INTS4: variants seen among roughly 807,000 people sequenced by gnomAD.
INTS4 encodes the protein integrator complex subunit 4.
INTS4 carries 70 observed loss-of-function variants against 119.5 expected under a neutral mutation model. The observed-to-expected ratio is 0.59, with a 90% confidence interval of 0.48 to 0.71. The LOEUF is 0.71. Among genes scored for constraint, INTS4 ranks in the 30% least tolerant of loss-of-function variants. The pLI is 0.00. For synonymous variants in INTS4, 316 were observed against 419.6 expected (o/e 0.75, Z 3.02); for missense variants, 867 against 1,173.2 (o/e 0.74, Z 3.81).
intron 4 of INTS4, 187 bp downstream of exon 4, chr11:77,978,809 T>C: frequency 4.7e-6 from 2 of 421,530 alleles, no homozygotes; most frequent in Non-Finnish European, 8.9e-6. Flanking sequence ...AGTAACTATG[T>C]ACTGTAATTA....
At chr11:77,963,996 C>T (rs1228144849) in intron 4 of INTS4, among the ~76,000 whole-genome samples, 2 of 152,026 alleles carry the variant, frequency 1.3e-5, no homozygotes, top group Non-Finnish European at 2.9e-5. Flanking sequence ...TAATGTATAC[C>T]CTCTTTTAAC....
chr11:77,898,431 G>C (rs1203527648), intron 18 of INTS4, among the ~76,000 whole-genome samples: 3 of 152,144 alleles, frequency 2.0e-5, no homozygotes, highest in African/African-American at 7.2e-5. Context: ...CAAAGTGATG[G>C]GATTACAGGC....
intron 4 of INTS4, among the ~76,000 whole-genome samples, chr11:77,965,870 G>A (rs1855482965): frequency 6.6e-6 from 1 of 152,176 alleles, no homozygotes; most frequent in South Asian, 2.1e-4. Flanking sequence ...TCACATGCTA[G>A]TTCTATTTTT....
At chr11:77,992,044 G>T (rs867022425) in intron 1 of INTS4, among the ~76,000 whole-genome samples, 5 of 151,878 alleles carry the variant, frequency 3.3e-5, no homozygotes, top group Non-Finnish European at 5.9e-5. Flanking sequence ...GGCTGGTTTC[G>T]AACTTCTGGC....
At chr11:77,915,995 C>T (rs957968588) in intron 15 of INTS4, among the ~76,000 whole-genome samples, 4 of 152,170 alleles carry the variant, frequency 2.6e-5, no homozygotes, top group African/African-American at 9.7e-5. Flanking sequence ...GGAACATCAG[C>T]CTCCTTGGTG....
Position 77,949,265 on chromosome 11 carries a change from C to A in INTS4, c.918+6677G>T, listed in dbSNP as rs186921882. ...ACATAAGACCTAAAACCATAAAAAC[C>A]CTAGAAGAAAACCTAGGCAATACCA... On this transcript the variant is annotated intron_variant, in intron 8 of 22. Coordinates refer to ENST00000534064, the MANE Select transcript of INTS4 (RefSeq NM_033547.4). Among the ~76,000 whole-genome samples the A allele has an allele frequency of 4.4e-4, 67 of 151,984 alleles. 1 individual carries two copies. The East Asian group carries it at 9.3e-3, about 21-fold the overall frequency.
intron 18 of INTS4, among the ~76,000 whole-genome samples, chr11:77,899,089 TGAGGAA>T (rs1368446800): frequency 6.6e-6 from 1 of 152,042 alleles, no homozygotes; most frequent in Non-Finnish European, 1.5e-5. Flanking sequence ...AATAACCCTG[TGAGGAA>T]GAGATAGGTA....
At chr11:77,952,479 G>A (rs917264994) in intron 8 of INTS4, among the ~76,000 whole-genome samples, 5 of 152,206 alleles carry the variant, frequency 3.3e-5, no homozygotes, top group African/African-American at 1.2e-4. Context: ...TGTATATAAA[G>A]AAGTGGGTTA....
intron 8 of INTS4, among the ~76,000 whole-genome samples, chr11:77,948,629 G>A (rs543895696): frequency 4.0e-4 from 55 of 139,066 alleles, no homozygotes; most frequent in African/African-American, 1.2e-3. Flanking sequence ...CCTAGGTGAC[G>A]GAGTGAGACC....
chr11:77,903,300 C>T (rs1242154007), intron 17 of INTS4, among the ~76,000 whole-genome samples: 2 of 152,048 alleles, frequency 1.3e-5, no homozygotes, highest in African/African-American at 2.4e-5. Flanking sequence ...TCTGGCTCCG[C>T]CTTGGACCAG....
chr11:77,957,421 G>A (rs558854176), intron 7 of INTS4, among the ~76,000 whole-genome samples: 6 of 151,626 alleles, frequency 4.0e-5, no homozygotes, highest in South Asian at 2.1e-4. Flanking sequence ...GTGGTGGTGC[G>A]CGACTGTAAT....
chr11:77,962,823 T>G (rs1055459247), intron 4 of INTS4, among the ~76,000 whole-genome samples: 1 of 151,806 alleles, frequency 6.6e-6, no homozygotes, highest in African/African-American at 2.4e-5. Flanking sequence ...CTTGGCCAGC[T>G]TGGACAACAC....
chr11:77,968,340 T>C (rs548697946), intron 4 of INTS4, among the ~76,000 whole-genome samples: 2 of 152,338 alleles, frequency 1.3e-5, no homozygotes, highest in South Asian at 4.1e-4. Flanking sequence ...TGACACATGT[T>C]ACAATGTGGA....
intron 1 of INTS4, among the ~76,000 whole-genome samples, chr11:77,993,509 G>C (rs766605537): frequency 5.3e-5 from 8 of 152,184 alleles, no homozygotes; most frequent in Non-Finnish European, 7.3e-5. Flanking sequence ...GCAGTCTTGG[G>C]AAATGGGAAC....
chr11:77,949,505 C>A (rs2136549186), intron 8 of INTS4, among the ~76,000 whole-genome samples: 1 of 123,714 alleles, frequency 8.1e-6, no homozygotes, highest in African/African-American at 3.1e-5. Flanking sequence ...CTACAAAGAA[C>A]TTAAACAAAT....
At chr11:77,969,946 C>T (rs1427607404) in intron 4 of INTS4, among the ~76,000 whole-genome samples, 3 of 152,150 alleles carry the variant, frequency 2.0e-5, no homozygotes, top group African/African-American at 4.8e-5. Flanking sequence ...TTTCACTTAG[C>T]ATAATGTTTT....
chr11:77,921,252 A>G, intron 14 of INTS4, 88 bp downstream of exon 14: 1 of 1,374,632 alleles, frequency 7.3e-7, no homozygotes, highest in South Asian at 1.3e-5. Flanking sequence ...GCAACATAAC[A>G]AGACCCCCAT....
intron 22 of INTS4, among the ~76,000 whole-genome samples, chr11:77,880,763 G>C (rs561631615): frequency 6.6e-6 from 1 of 152,212 alleles, no homozygotes; most frequent in Admixed American, 6.5e-5. Context: ...TTTGAGACTA[G>C]CCTGGGCAAC....
rs1437066469 is a variant in INTS4, at chr11:77,899,011, C to G, written c.2228+2410G>C. 3.3e-5 allele frequency among the ~76,000 whole-genome samples: 5 copies of G among 151,426 alleles called. No individual in the cohort carries two copies. In the East Asian group the frequency reaches 9.6e-4, roughly 29 times the overall value. On this transcript the variant is annotated intron_variant, in intron 18 of 22. Coordinates refer to ENST00000534064, the MANE Select transcript of INTS4 (RefSeq NM_033547.4). ...CTCCAGCCTGGGTGATAGAGCAAGA[C>G]TCTGTCTCATAAATAAATAAATAAA... is the stretch of plus-strand genomic sequence containing the variant.
Sources: gnomAD v4.1 joint callset for allele counts (sites outside exome capture counted in the v4.1 genomes callset) on GRCh38, gnomAD v4.1.1 for gene constraint, MANE v1.5 for transcripts, NCBI Gene and HGNC (gene_info 2026-07-23, HGNC 2026-07-21) for gene names.